The following TECTA variants were observed in gnomAD, a reference collection of about 807,000 sequenced individuals.
TECTA encodes tectorin alpha.
Under a neutral mutation model 216.8 loss-of-function variants are expected in TECTA, and 128 were observed. The observed-to-expected ratio is 0.59, with a 90% CI of 0.51 to 0.68. TECTA has a LOEUF of 0.68. Ranked by LOEUF, TECTA falls within the 30% of genes least tolerant of loss-of-function variation. The probability of loss-of-function intolerance (pLI) is 0.00; values close to 1 mark genes in which losing one functional copy is unlikely to be tolerated. For missense variants in TECTA, 2,551 were observed against 2,786.2 expected (o/e 0.92, Z 1.90); for synonymous variants, 1,089 against 1,117.1 (o/e 0.97, Z 0.50).
chr11:121,129,949 G>A lies in TECTA; in HGVS notation c.2679G>A (p.Leu893=), dbSNP rs1175456090. Residue 893 remains leucine, a synonymous_variant, in exon 10 of 24, where the codon CTG becomes CTA. Transcript: ENST00000392793. ...EICNGECGDL[L]KACNNDSELL... is the part of the protein sequence containing the mutation. ...GCAATGGAGAGTGTGGGGACCTGCTGAAGGCCTGCAACAATGACTCGGAGC... is the reference window on the plus strand; with the variant it reads ...GCAATGGAGAGTGTGGGGACCTGCTAAAGGCCTGCAACAATGACTCGGAGC... 3.1e-6 allele frequency: 5 copies of A among 1,608,326 alleles called. No individual in the cohort carries two copies. Among genetic ancestry groups the A allele is most frequent in the South Asian group, 1.1e-5 (1 of 90,500 alleles).
intron 19 of TECTA, chr11:121,168,418 TG>T: frequency 4.6e-6 from 4 of 861,036 alleles, no homozygotes; most frequent in Non-Finnish European, 7.3e-6. Context: ...CTGTTTAATG[TG>T]GTGGCTACAT....
chr11:121,181,821 C>A (rs73584914), intron 20 of TECTA, among the ~76,000 whole-genome samples: 1,516 of 145,412 alleles, frequency 0.01, 22 homozygotes, highest in African/African-American at 0.038. Flanking sequence ...ATTCTTATGT[C>A]TTTATGTTTG....
At chr11:121,147,871 C>G (rs575971596) in intron 12 of TECTA, among the ~76,000 whole-genome samples, 2 of 152,262 alleles carry the variant, frequency 1.3e-5, no homozygotes, top group East Asian at 3.9e-4. Flanking sequence ...GAAATGCACA[C>G]AGGGGGCTAA....
intron 20 of TECTA, among the ~76,000 whole-genome samples, chr11:121,171,714 A>G (rs1208244033): frequency 6.6e-6 from 1 of 152,032 alleles, no homozygotes; most frequent in African/African-American, 2.4e-5. Flanking sequence ...TTTTGCTGCT[A>G]GTTCATTATT....
At chr11:121,172,214 T>G (rs1313254774) in intron 20 of TECTA, among the ~76,000 whole-genome samples, 1 of 152,144 alleles carries the variant, frequency 6.6e-6, no homozygotes, top group Non-Finnish European at 1.5e-5. Context: ...ATACTTTAAG[T>G]TTTAGGGTAC....
chr11:121,149,676 G>A (rs1946871491), intron 12 of TECTA, among the ~76,000 whole-genome samples: 1 of 152,206 alleles, frequency 6.6e-6, no homozygotes, highest in South Asian at 2.1e-4. Flanking sequence ...CAAAGCCCCT[G>A]TCCATTCTGT....
chr11:121,123,415 A>C (rs550097627), intron 7 of TECTA, among the ~76,000 whole-genome samples: 1 of 152,080 alleles, frequency 6.6e-6, no homozygotes, highest in East Asian at 1.9e-4. Flanking sequence ...CTATAAGCTC[A>C]TCCCTCCCTC....
intron 20 of TECTA, among the ~76,000 whole-genome samples, chr11:121,169,341 G>A (rs1176937420): frequency 6.6e-6 from 1 of 152,148 alleles, no homozygotes; most frequent in Admixed American, 6.6e-5. Context: ...TAACCTAATA[G>A]CCTATAGACT....
At chr11:121,131,250 C>T (rs1016017251) in intron 10 of TECTA, among the ~76,000 whole-genome samples, 13 of 149,034 alleles carry the variant, frequency 8.7e-5, no homozygotes, top group African/African-American at 3.2e-4. Context: ...TCATCCCTGA[C>T]GGCTATTTAT....
chr11:121,121,384 A>G (rs1946556963), intron 7 of TECTA, among the ~76,000 whole-genome samples: 1 of 152,200 alleles, frequency 6.6e-6, no homozygotes, highest in African/African-American at 2.4e-5. Context: ...GCCAGAATGC[A>G]GGCAGAAGAA....
At chr11:121,171,788 G>A (rs527773330) in intron 20 of TECTA, among the ~76,000 whole-genome samples, 1 of 152,192 alleles carries the variant, frequency 6.6e-6, no homozygotes, top group Admixed American at 6.5e-5. Flanking sequence ...TACTGAATTT[G>A]TTTATCTGTT....
rs997464495 is a variant in TECTA, at chr11:121,168,717, A to G, written c.5791A>G (p.Ile1931Val). The change falls in exon 20 of 24, where the codon ATC (isoleucine) becomes GTC (valine). Residue 1931 changes from isoleucine to valine, a missense_variant. Physicochemically the swap from Ile to Val is conservative, Grantham distance 29. Transcript: ENST00000392793. ...LTVPTQEGSF[I>V]TKMALYKNAS... ...AGTTCCAACCCAAGAAGGCAGCTTC[A>G]TCACCAAGATGGCTCTCTACAAAAA... is the stretch of plus-strand genomic sequence containing the variant. 4 of 1,614,100 alleles carry G rather than the reference A, an allele frequency of 2.5e-6. No homozygotes were observed. The African/African-American group carries it at 5.3e-5, about 22-fold the overall frequency.
In TECTA at chr11:121,105,645, C is replaced by T. The variant is rs1031519604; in HGVS notation, c.65-186C>T. Among the ~76,000 whole-genome samples the T allele has an allele frequency of 1.3e-5, 2 of 152,206 alleles. No homozygotes were observed. Among genetic ancestry groups the T allele is most frequent in the Admixed American group, 6.5e-5 (1 of 15,282 alleles). Reference sequence around the variant, plus strand: ...AGAAACAATGTCACTCCCATTTTCCCGTTTCCCAGAGCAGAAGATACTGCG... The same window carrying T: ...AGAAACAATGTCACTCCCATTTTCCTGTTTCCCAGAGCAGAAGATACTGCG... On this transcript the variant is annotated intron_variant, in intron 2 of 23. Coordinates refer to ENST00000392793, the MANE Select transcript of TECTA (RefSeq NM_005422.4). The surrounding 1 kb of genome is among the most constrained non-coding windows in gnomAD (Gnocchi z 5.3).
chr11:121,153,751 C>T lies in TECTA; in HGVS notation c.4305+671C>T, dbSNP rs146577733. ...TTTCTCAATAAAGCATATTAGTTCA[C>T]GAAATCATTTCACTTTTTGGACTTT... On this transcript the variant is annotated intron_variant, in intron 13 of 23. Transcript: ENST00000392793. 3.2e-3 allele frequency among the ~76,000 whole-genome samples: 494 copies of T among 152,282 alleles called. 4 individuals are homozygous for T. The highest frequency in any genetic ancestry group is 8.5e-3 in the Admixed American group (130 of 15,304).
intron 11 of TECTA, 152 bp downstream of exon 11, chr11:121,138,174 C>A: frequency 8.5e-7 from 1 of 1,171,798 alleles, no homozygotes; most frequent in Non-Finnish European, 1.2e-6. Flanking sequence ...TTTTCTGTCA[C>A]TTCATCTTAC....
At chr11:121,120,938 G>T (rs1224942965) in intron 7 of TECTA, among the ~76,000 whole-genome samples, 1 of 152,172 alleles carries the variant, frequency 6.6e-6, no homozygotes, top group East Asian at 1.9e-4. Flanking sequence ...TTTGAGCTTC[G>T]TTTTCTTTGT....
chr11:121,136,418 A>G lies in TECTA; in HGVS notation c.2942-1003A>G, dbSNP rs1403285445. ...TGCGGGGTGATGACCTCCTTTGCAG[A>G]GAATGATGAGGAGGTGGACGAGGCC... On this transcript the variant is annotated intron_variant, in intron 10 of 23. Coordinates refer to ENST00000392793, the MANE Select transcript of TECTA (RefSeq NM_005422.4). Among the ~76,000 whole-genome samples, 3 of 152,278 alleles carry G rather than the reference A, an allele frequency of 2.0e-5. No individual in the cohort carries two copies. The East Asian group carries it at 5.8e-4, about 29-fold the overall frequency.
chr11:121,145,520 A>G lies in TECTA; in HGVS notation c.3544-35A>G, dbSNP rs114686849. ...AGAAGAGCTGGGAAATCTCTGGGCC[A>G]ACTGTGTTTCTCCACCTCATCTCTC... On this transcript the variant is annotated intron_variant, in intron 11 of 23. Transcript: ENST00000392793. The G allele has an allele frequency of 1.8e-3, 2,936 of 1,609,764 alleles. 43 individuals are homozygous for G. The African/African-American group carries it at 0.036, about 20-fold the overall frequency.
At chr11:121,150,845 C>T (rs1407322317) in intron 12 of TECTA, among the ~76,000 whole-genome samples, 2 of 151,888 alleles carry the variant, frequency 1.3e-5, no homozygotes, top group Non-Finnish European at 2.9e-5. Flanking sequence ...AGGGTTTCAC[C>T]ATGTTGGCCA....
Sources: allele counts gnomAD v4.1 joint callset (sites outside exome capture counted in the v4.1 genomes callset), GRCh38; gene constraint gnomAD v4.1.1; non-coding constraint Gnocchi (gnomAD v3.1); transcripts MANE v1.5; gene names NCBI Gene and HGNC (gene_info 2026-07-23, HGNC 2026-07-21).